MINK1: variants seen among roughly 807,000 people sequenced by gnomAD.
MINK1 encodes the protein misshapen like kinase 1.
In MINK1, 46 loss-of-function variants were observed where a neutral mutation model predicts 178.4. The ratio of observed to expected loss-of-function variants is 0.26; its 90% CI spans 0.20 to 0.33. The LOEUF (loss-of-function observed/expected upper bound fraction) is 0.33. MINK1 is among the 10% of genes least tolerant of loss of function. The pLI is 1.00. For synonymous variants in MINK1, 797 were observed against 709.7 expected (o/e 1.12, Z -1.96); for missense variants, 1,366 against 1,814.9 (o/e 0.75, Z 4.49).
chr17:4,869,543 C>T (rs914860750), intron 1 of MINK1, among the ~76,000 whole-genome samples: 7 of 151,992 alleles, frequency 4.6e-5, no homozygotes, highest in African/African-American at 1.4e-4. Context: ...TCCCAAAGTG[C>T]TCACATTACA....
At position 4,886,049 on chromosome 17, in the gene MINK1, A is replaced by AC; in HGVS notation, c.695-68dup. 1 of 1,609,558 alleles carries AC rather than the reference A, an allele frequency of 6.2e-7. No homozygotes were observed. Among genetic ancestry groups the AC allele is most frequent in the Non-Finnish European group, 8.5e-7 (1 of 1,176,114 alleles). On this transcript the variant is annotated intron_variant, in intron 8 of 31. Coordinates refer to ENST00000355280, the MANE Select transcript of MINK1 (RefSeq NM_153827.5). The surrounding 1 kb of genome is among the most constrained non-coding windows in gnomAD (Gnocchi z 6.1). ...CTGTAGGGAGGAGGTGGGTCCTGGG[A>AC]CCCTGCCGAGGAAGGGTCCTGTAGC...
chr17:4,834,027 C>G lies in MINK1; in HGVS notation c.57+387C>G, dbSNP rs187314151. Among the ~76,000 whole-genome samples the G allele has an allele frequency of 1.9e-3, 287 of 152,220 alleles. 2 individuals carry two copies. The highest frequency in any genetic ancestry group is 6.7e-3 in the African/African-American group (277 of 41,520). On this transcript the variant is annotated intron_variant, in intron 1 of 31. Coordinates refer to ENST00000355280, the MANE Select transcript of MINK1 (RefSeq NM_153827.5). ...TTTCCACCTTTGCCCTTACTTCTAT[C>G]TTCTTCCTTCCCCTCCTCTTCCTCA...
At chr17:4,840,795 G>A (rs1910099027) in intron 1 of MINK1, among the ~76,000 whole-genome samples, 1 of 152,170 alleles carries the variant, frequency 6.6e-6, no homozygotes, top group South Asian at 2.1e-4. Flanking sequence ...TGTTTGAAAG[G>A]AAACAGGGTT....
In MINK1 at chr17:4,895,204, A is replaced by T; in HGVS notation, c.3047A>T (p.Lys1016Met). The T allele has an allele frequency of 6.2e-7, 1 of 1,614,064 alleles. No individual in the cohort carries two copies. Among genetic ancestry groups the T allele is most frequent in the Non-Finnish European group, 8.5e-7 (1 of 1,180,008 alleles). The change falls in exon 25 of 32, where the codon AAG (lysine) becomes ATG (methionine). Residue 1016 changes from lysine (K) to methionine (M), a missense_variant. This residue lies in a region of MINK1 where 42 missense variants were observed against 64.0 expected (regional missense o/e 0.66). Coordinates refer to ENST00000355280, the MANE Select transcript of MINK1 (RefSeq NM_153827.5). This position sits in a 1 kb window ranked among gnomAD's most constrained non-coding sequence, Gnocchi z 4.3. ...SETPEIRKYK[K>M]RFNSEILCAA... is the part of the protein sequence containing the mutation. ...ACCCCTGAGATCCGGAAGTACAAGA[A>T]GCGATTCAACTCCGAGATCCTCTGT...
intron 1 of MINK1, among the ~76,000 whole-genome samples, chr17:4,845,534 C>A (rs2150771267): frequency 6.6e-6 from 1 of 152,240 alleles, no homozygotes; most frequent in Admixed American, 6.5e-5. Flanking sequence ...GGTCAACCCT[C>A]CTGGACCTCC....
In MINK1 at chr17:4,894,328, C is replaced by A. The variant is rs751427998; in HGVS notation, c.2808+17C>A. The A allele has an allele frequency of 6.2e-7, 1 of 1,608,072 alleles. No individual in the cohort carries two copies. Among genetic ancestry groups the A allele is most frequent in the African/African-American group, 1.3e-5 (1 of 74,900 alleles). On this transcript the variant is annotated intron_variant, in intron 23 of 31. Coordinates refer to ENST00000355280, the MANE Select transcript of MINK1 (RefSeq NM_153827.5). This position sits in a 1 kb window ranked among gnomAD's most constrained non-coding sequence, Gnocchi z 4.1. ...AGTGGTGACGTAAGTGGGCCGGAGGCAGGTCCGCCGGGAGAGAAGAGCCCT... is the reference window on the plus strand; with the variant it reads ...AGTGGTGACGTAAGTGGGCCGGAGGAAGGTCCGCCGGGAGAGAAGAGCCCT...
chr17:4,892,010 G>A (rs1332697876), intron 16 of MINK1, 139 bp from the exon 17 acceptor site: 2 of 801,160 alleles, frequency 2.5e-6, no homozygotes, highest in Non-Finnish European at 4.1e-6. Context: ...CATAACCCTG[G>A]ACGTATTCAC....
At chr17:4,850,704 G>A (rs1032235771) in intron 1 of MINK1, among the ~76,000 whole-genome samples, 8 of 152,062 alleles carry the variant, frequency 5.3e-5, no homozygotes, top group African/African-American at 1.9e-4. Context: ...AAGTTTTCTT[G>A]GTCATGAAGC....
At chr17:4,840,722 A>G (rs1050493697) in intron 1 of MINK1, among the ~76,000 whole-genome samples, 1 of 152,182 alleles carries the variant, frequency 6.6e-6, no homozygotes, top group African/African-American at 2.4e-5. Flanking sequence ...AAGACTCTCC[A>G]TTTACATTGT....
intron 1 of MINK1, among the ~76,000 whole-genome samples, chr17:4,863,399 T>C (rs1444348266): frequency 1.3e-5 from 2 of 152,204 alleles, no homozygotes; most frequent in Admixed American, 6.5e-5. Flanking sequence ...TCCCTTTTAT[T>C]TGAAATGGCT....
At chr17:4,889,417 A>G (rs1968543445) in intron 12 of MINK1, among the ~76,000 whole-genome samples, 2 of 152,138 alleles carry the variant, frequency 1.3e-5, no homozygotes, top group African/African-American at 4.8e-5. Flanking sequence ...CCCACCCCAC[A>G]GGCAGCAGTC....
rs547642357 is a variant in MINK1 at position 4,850,187 on chromosome 17, T to G, written c.57+16547T>G. ...TTTTGTTCAACGCCACGTTGTAGTA[T>G]CTAGCAATGCCTCTACATAGCTGAC... On this transcript the variant is annotated intron_variant, in intron 1 of 31. Transcript: ENST00000355280. Among the ~76,000 whole-genome samples, 5 of 152,180 alleles carry G rather than the reference T, an allele frequency of 3.3e-5. No individual in the cohort carries two copies. The East Asian group carries it at 9.6e-4, about 29-fold the overall frequency.
intron 16 of MINK1, among the ~76,000 whole-genome samples, 160 bp downstream of exon 16, chr17:4,891,876 G>T (rs770172031): frequency 2.6e-5 from 4 of 152,218 alleles, no homozygotes; most frequent in Admixed American, 2.6e-4. Context: ...CTGAGGACGC[G>T]ACGTGGAGGG....
In MINK1 at chr17:4,887,116, C is replaced by A; in HGVS notation, c.956C>A (p.Thr319Lys). The change falls in exon 11 of 32, where the codon ACA becomes AAA. Residue 319 changes from threonine to lysine, a missense_variant. Around this residue, in one of 14 missense-constraint regions of MINK1, gnomAD observed 8 missense variants for 27.2 expected, o/e 0.29. Transcript: ENST00000355280. The surrounding 1 kb of genome is among the most constrained non-coding windows in gnomAD (Gnocchi z 7.6). The part of the protein sequence containing the change: ...SRKKRGEKEE[T>K]EYEYSGSEEE... ...CAGTGGCCTCCCCCTGCAGAGGAGA[C>A]AGAATATGAGTACAGCGGCAGCGAG... is the stretch of plus-strand genomic sequence containing the variant. 1 of 1,597,022 alleles carries A rather than the reference C, an allele frequency of 6.3e-7. No homozygotes were observed. Among genetic ancestry groups the A allele is most frequent in the Non-Finnish European group, 8.5e-7 (1 of 1,171,948 alleles).
intron 1 of MINK1, among the ~76,000 whole-genome samples, chr17:4,866,471 T>TAAAAAAAA (rs960807944): frequency 7.4e-6 from 1 of 135,280 alleles, no homozygotes; most frequent in Non-Finnish European, 1.6e-5. Context: ...GTCTCAAAAT[T>TAAAAAAAA]AAAAAAAAAA....
chr17:4,851,417 T>G (rs147346975), intron 1 of MINK1, among the ~76,000 whole-genome samples: 38 of 152,290 alleles, frequency 2.5e-4, no homozygotes, highest in African/African-American at 8.7e-4. Context: ...ACCACACTCC[T>G]GTCTTGCTGT....
intron 2 of MINK1, among the ~76,000 whole-genome samples, chr17:4,879,331 GC>G (rs1257010184): frequency 2.0e-5 from 3 of 152,228 alleles, no homozygotes; most frequent in Admixed American, 1.3e-4. Flanking sequence ...GGGGCCCGTG[GC>G]TTTTTCATCT....
Position 4,898,043 on chromosome 17 carries a change from A to G in MINK1, c.*756A>G, listed in dbSNP as rs1969767407. The G allele has an allele frequency of 6.7e-6, 1 of 149,190 alleles. No homozygotes were observed. Among genetic ancestry groups the G allele is most frequent in the Non-Finnish European group, 1.5e-5 (1 of 67,428 alleles). The allele number at this position is 149,190 out of a possible 1,614,324, so 9.2% of individuals were successfully genotyped here. A position where few individuals can be genotyped will look rare whatever the true frequency, so the allele number is the denominator to read the frequency against. ...GATATCCTGTTTGTTAATAAAGACAATTCAACCAGCTCCCACCATGCAGGC... is the reference window on the plus strand; with the variant it reads ...GATATCCTGTTTGTTAATAAAGACAGTTCAACCAGCTCCCACCATGCAGGC... On this transcript the variant is annotated 3_prime_UTR_variant, in exon 32 of 32. Transcript: ENST00000355280.
chr17:4,849,646 C>T (rs1271988555), intron 1 of MINK1, among the ~76,000 whole-genome samples: 1 of 152,150 alleles, frequency 6.6e-6, no homozygotes, highest in African/African-American at 2.4e-5. Flanking sequence ...GATCTTGGCT[C>T]ATCGCAACCT....
Sources: allele counts gnomAD v4.1 joint callset (sites outside exome capture counted in the v4.1 genomes callset), GRCh38; gene constraint gnomAD v4.1.1; regional missense constraint gnomAD v4.1.1; non-coding constraint Gnocchi (gnomAD v3.1); transcripts MANE v1.5; gene names NCBI Gene and HGNC (gene_info 2026-07-23, HGNC 2026-07-21).